Variants in PLEKHN1 observed in about 807,000 individuals in gnomAD.
The protein encoded by PLEKHN1 is pleckstrin homology domain-containing family N member 1.
PLEKHN1 carries 68 observed loss-of-function variants against 72.8 expected under a neutral mutation model. The observed-to-expected ratio is 0.93, with a 90% CI of 0.77 to 1.14. The LOEUF (loss-of-function observed/expected upper bound fraction) is 1.14. Among genes scored for constraint, PLEKHN1 ranks in the 50% most tolerant of loss-of-function variants. The pLI is 0.00. For missense variants in PLEKHN1, 1,015 were observed against 840.5 expected (o/e 1.21, Z -2.57); for synonymous variants, 454 against 371.6 (o/e 1.22, Z -2.55).
At chr1:972,484 G>C (rs1643391713) in intron 10 of PLEKHN1, 60 bp downstream of exon 10, 1 of 1,483,816 alleles carries the variant, frequency 6.7e-7, no homozygotes, top group African/African-American at 1.4e-5. Flanking sequence ...GGGGGCAGCA[G>C]ACCGGGCGTG....
chr1:972,597 C>T (rs1232666665), intron 10 of PLEKHN1, among the ~76,000 whole-genome samples, 173 bp downstream of exon 10: 2 of 151,814 alleles, frequency 1.3e-5, no homozygotes, highest in African/African-American at 2.4e-5. Context: ...GAAACCCTGT[C>T]TCTATTAAAA....
intron 2 of PLEKHN1, among the ~76,000 whole-genome samples, chr1:967,178 C>T (rs1032245595): frequency 6.6e-6 from 1 of 152,168 alleles, no homozygotes; most frequent in Admixed American, 6.5e-5. Context: ...GCGAGCCAGC[C>T]GGTCACCTAC....
chr1:968,978 A>G lies in PLEKHN1; in HGVS notation c.184-1299A>G, dbSNP rs555549318. On this transcript the variant is annotated intron_variant, in intron 2 of 15. Transcript: ENST00000379410. The stretch of plus-strand genomic sequence containing the variant: ...GGCCAACACACAGAGGATCGACCCC[A>G]GAAATCTCCTCACATATTTCAGGCT... Among the ~76,000 whole-genome samples the G allele has an allele frequency of 9.9e-4, 151 of 152,344 alleles. 1 individual carries two copies. The highest frequency in any genetic ancestry group is 3.5e-3 in the African/African-American group (145 of 41,582).
In PLEKHN1 at chr1:972,286, A is replaced by G. The variant is rs754283836; in HGVS notation, c.866-2A>G. 20 of 1,610,410 alleles carry G rather than the reference A, an allele frequency of 1.2e-5. No individual in the cohort carries two copies. Among genetic ancestry groups the G allele is most frequent in the Non-Finnish European group, 1.4e-5 (17 of 1,178,350 alleles). Reference sequence around the variant, plus strand: ...CAGCCCCTCACAGCATCTGTATGCCAGGCCCCCTCATCAACACCATCCGCG... The same window carrying G: ...CAGCCCCTCACAGCATCTGTATGCCGGGCCCCCTCATCAACACCATCCGCG... On this transcript the variant is annotated splice_acceptor_variant, in intron 9 of 15. Transcript: ENST00000379410. LOFTEE classifies it high-confidence loss of function.
rs1275020919 is a variant in PLEKHN1 at position 972,979 on chromosome 1, C to A, written c.1121C>A (p.Ser374Tyr). The A allele has an allele frequency of 1.3e-5, 20 of 1,592,498 alleles. No individual in the cohort carries two copies. The highest frequency in any genetic ancestry group is 1.7e-5 in the Non-Finnish European group (20 of 1,169,180). The change falls in exon 11 of 16, where the codon TCC (serine) becomes TAC (tyrosine). Residue 374 changes from serine to tyrosine, a missense_variant. Transcript: ENST00000379410. ...TCCCTGCCTGAGTCCTCAGTGCCAT[C>A]CACCGTGGGCTGCTCCTCCCAGCAC... Reference protein sequence around the residue: ...SHSLPESSVPSTVGCSSQHTP... With the variant: ...SHSLPESSVPYTVGCSSQHTP...
intron 2 of PLEKHN1, among the ~76,000 whole-genome samples, chr1:969,657 TC>T (rs1643192422): frequency 6.8e-6 from 1 of 147,036 alleles, no homozygotes; most frequent in South Asian, 2.3e-4. Context: ...CACGTGTGTA[TC>T]CATGCATATG....
chr1:972,012 GAGGCC>G, intron 8 of PLEKHN1, 58 bp from the exon 9 acceptor site: 3 of 1,487,138 alleles, frequency 2.0e-6, no homozygotes, highest in Non-Finnish European at 2.8e-6. Context: ...AGGGTGGGAT[GAGGCC>G]AGGCGGGGCC....
chr1:973,975 T>G lies in PLEKHN1; in HGVS notation c.1577T>G (p.Leu526Arg). 4 of 1,609,316 alleles carry G rather than the reference T, an allele frequency of 2.5e-6. No homozygotes were observed. Among genetic ancestry groups the G allele is most frequent in the African/African-American group, 1.3e-5 (1 of 75,006 alleles). ...GPYLLSKKGA[L>R]QSRAAQRHRG... is the part of the protein sequence containing the mutation. ...TACTTGCTCTCCAAGAAGGGAGCCC[T>G]GCAGTCCAGAGCCGCTCAGAGACAC... is the stretch of plus-strand genomic sequence containing the variant. The change falls in exon 14 of 16, where the codon CTG becomes CGG. Residue 526 changes from leucine to arginine, a missense_variant. Physicochemically the swap from Leu to Arg is moderately radical, Grantham distance 102. Transcript: ENST00000379410.
At chr1:974,216 G>A (rs976152512) in intron 14 of PLEKHN1, 100 bp from the exon 15 acceptor site, 1 of 1,564,626 alleles carries the variant, frequency 6.4e-7, no homozygotes. Context: ...ACTGGGGAGG[G>A]AGAGCAGGGG....
chr1:973,074 G>A, intron 11 of PLEKHN1, 64 bp downstream of exon 11: 2 of 1,540,176 alleles, frequency 1.3e-6, no homozygotes, highest in South Asian at 1.2e-5. Flanking sequence ...TGTGTGTTGG[G>A]GACCCTGGTT....
intron 1 of PLEKHN1, 23 bp from the exon 2 acceptor site, chr1:966,681 G>C: frequency 6.3e-7 from 1 of 1,577,514 alleles, no homozygotes; most frequent in Non-Finnish European, 8.6e-7. Flanking sequence ...GCCAAGCCAC[G>C]AGACCCCTTG....
In PLEKHN1 at chr1:973,299, C is replaced by A; in HGVS notation, c.1266C>A (p.Val422=). 6.5e-7 allele frequency: 1 copy of A among 1,543,014 alleles called. No individual in the cohort carries two copies. Among genetic ancestry groups the A allele is most frequent in the South Asian group, 1.2e-5 (1 of 85,138 alleles). Reference sequence around the variant, plus strand: ...CCCGGGCAGAGGGCCGCGGCCCTGTCACCCCACTGCACCTGGACCTGACCC... The same window carrying A: ...CCCGGGCAGAGGGCCGCGGCCCTGTAACCCCACTGCACCTGGACCTGACCC... ...SKARAEGRGP[V]TPLHLDLTQL... The change falls in exon 12 of 16, where the codon GTC becomes GTA. Residue 422 remains valine, a synonymous_variant. Transcript: ENST00000379410.
chr1:967,647 C>T lies in PLEKHN1; in HGVS notation c.183+844C>T, dbSNP rs148822328. Among the ~76,000 whole-genome samples, 319 of 152,312 alleles carry T rather than the reference C, an allele frequency of 2.1e-3. 1 individual carries two copies. Among genetic ancestry groups the T allele is most frequent in the African/African-American group, 7.2e-3 (300 of 41,566 alleles). On this transcript the variant is annotated intron_variant, in intron 2 of 15. Coordinates refer to ENST00000379410, the MANE Select transcript of PLEKHN1 (RefSeq NM_032129.3). Reference sequence around the variant, plus strand: ...GCAGACCCCTTTGCCAACATGCCCCCGCCAGGCAGGAAGCTCGTGCCATAC... The same window carrying T: ...GCAGACCCCTTTGCCAACATGCCCCTGCCAGGCAGGAAGCTCGTGCCATAC...
At chr1:968,986 CCT>C (rs1643143006) in intron 2 of PLEKHN1, among the ~76,000 whole-genome samples, 1 of 152,170 alleles carries the variant, frequency 6.6e-6, no homozygotes. Context: ...CCAGAAATCT[CCT>C]CACATATTTC....
intron 9 of PLEKHN1, 39 bp from the exon 10 acceptor site, chr1:972,249 G>A (rs779116640): frequency 1.9e-6 from 3 of 1,594,194 alleles, no homozygotes; most frequent in Non-Finnish European, 2.6e-6. Context: ...GCTGAGGGGT[G>A]CACCCCCCCG....
intron 8 of PLEKHN1, chr1:971,617 C>T (rs777441938): frequency 4.6e-5 from 28 of 608,892 alleles, no homozygotes; most frequent in Non-Finnish European, 7.0e-5. Flanking sequence ...GGTTCTTGAC[C>T]GTCACCCTGG....
Position 970,193 on chromosome 1 carries a change from T to C in PLEKHN1, c.184-84T>C, listed in dbSNP as rs1643231205. On this transcript the variant is annotated intron_variant, in intron 2 of 15. Coordinates refer to ENST00000379410, the MANE Select transcript of PLEKHN1 (RefSeq NM_032129.3). The surrounding 1 kb of genome is among the most constrained non-coding windows in gnomAD (Gnocchi z 4.2). ...GTGGCTATGCACAGGCAGACCATGC[T>C]ATAGTCCTGTAGCTGTGTGGATGCG... The C allele has an allele frequency of 1.4e-6, 2 of 1,473,750 alleles. No individual in the cohort carries two copies. The highest frequency in any genetic ancestry group is 1.4e-5 in the African/African-American group (1 of 70,676). 91.3% of individuals were successfully genotyped at this position (1,473,750 alleles called of 1,614,324 possible). A position where few individuals can be genotyped will look rare whatever the true frequency, so the allele number is the denominator to read the frequency against.
Position 973,515 on chromosome 1 carries a change from C to T in PLEKHN1, c.1309C>T (p.Leu437=). 6.2e-7 allele frequency: 1 copy of T among 1,613,160 alleles called. No homozygotes were observed. The highest frequency in any genetic ancestry group is 8.5e-7 in the Non-Finnish European group (1 of 1,179,980). ...TGCCCTGCAGCTGCACAGGCTGAGC[C>T]TGGAGAGCAGCCCAGATGCCCCTGA... ...LDLTQLHRLS[L]ESSPDAPDHT... is the part of the protein sequence containing the mutation. The change falls in exon 13 of 16, where the codon CTG becomes TTG. Residue 437 remains leucine, a synonymous_variant. Coordinates refer to ENST00000379410, the MANE Select transcript of PLEKHN1 (RefSeq NM_032129.3).
chr1:971,760 G>A (rs540611568), intron 8 of PLEKHN1, among the ~76,000 whole-genome samples: 50 of 151,924 alleles, frequency 3.3e-4, no homozygotes, highest in Middle Eastern at 3.4e-3. Context: ...GTGCACTCAC[G>A]GTAACCTTCA....
Sources: gnomAD v4.1 joint callset for allele counts (sites outside exome capture counted in the v4.1 genomes callset) on GRCh38, gnomAD v4.1.1 for gene constraint, Gnocchi (gnomAD v3.1) non-coding constraint, MANE v1.5 for transcripts, NCBI Gene and HGNC (gene_info 2026-07-23, HGNC 2026-07-21) for gene names.